Variants in CACNA1D observed in about 807,000 individuals in gnomAD.
CACNA1D encodes voltage-dependent L-type calcium channel subunit alpha-1D.
A neutral mutation model predicts 257.1 loss-of-function variants in CACNA1D; 55 were observed. The ratio of observed to expected loss-of-function variants is 0.21; its 90% CI spans 0.17 to 0.27. The LOEUF (loss-of-function observed/expected upper bound fraction) is 0.27. CACNA1D is among the 10% of genes least tolerant of loss of function. The pLI is 1.00. For missense variants in CACNA1D, 1,876 were observed against 2,784.0 expected, an observed-to-expected ratio of 0.67 and a Z score of 7.34; for synonymous variants, 980 against 1,014.9, an observed-to-expected ratio of 0.97 and a Z score of 0.65.
intron 8 of CACNA1D, chr3:53,678,848 G>T (rs2094400843): frequency 6.6e-6 from 1 of 152,108 alleles, no homozygotes. Context: ...TCTTCTACTT[G>T]AATGGTGGCT....
chr3:53,617,308 G>C (rs1357280885), intron 3 of CACNA1D, among the ~76,000 whole-genome samples: 1 of 152,080 alleles, frequency 6.6e-6, no homozygotes, highest in Non-Finnish European at 1.5e-5. Context: ...GGTGGAGGTA[G>C]TGAGGGGAGG....
intron 3 of CACNA1D, among the ~76,000 whole-genome samples, chr3:53,593,651 A>G (rs994096340): frequency 2.0e-5 from 3 of 152,198 alleles, no homozygotes; most frequent in African/African-American, 7.2e-5. Context: ...GAGCAGGTGC[A>G]GGAGAGGTGA....
intron 3 of CACNA1D, among the ~76,000 whole-genome samples, chr3:53,587,020 T>A (rs2093229730): frequency 6.6e-6 from 1 of 152,210 alleles, no homozygotes; most frequent in African/African-American, 2.4e-5. Context: ...CAGGGCGTGA[T>A]GTGTTCCTGG....
At chr3:53,599,014 CTTT>C (rs5848999) in intron 3 of CACNA1D, among the ~76,000 whole-genome samples, 2 of 148,482 alleles carry the variant, frequency 1.3e-5, no homozygotes, top group African/African-American at 2.5e-5. Flanking sequence ...ATTGGTGTGC[CTTT>C]TTTTTTTTTA....
intron 3 of CACNA1D, among the ~76,000 whole-genome samples, chr3:53,510,771 C>G (rs1023942880): frequency 6.6e-6 from 1 of 152,124 alleles, no homozygotes; most frequent in African/African-American, 2.4e-5. Context: ...GGGGTTGGGT[C>G]TGGCCTCTCT....
chr3:53,756,313 G>A (rs1219151657), intron 29 of CACNA1D, among the ~76,000 whole-genome samples: 1 of 152,190 alleles, frequency 6.6e-6, no homozygotes, highest in African/African-American at 2.4e-5. Context: ...AATGGCCCAA[G>A]GTCATGGGAG....
chr3:53,539,203 G>A (rs530028692), intron 3 of CACNA1D, among the ~76,000 whole-genome samples: 3 of 151,936 alleles, frequency 2.0e-5, no homozygotes, highest in South Asian at 2.1e-4. Context: ...TCCGCCTCCC[G>A]GGTTCAAGCA....
At chr3:53,742,984 G>A in intron 21 of CACNA1D, 27 bp from the exon 22 acceptor site, 1 of 1,461,042 alleles carries the variant, frequency 6.8e-7, no homozygotes, top group East Asian at 2.3e-5. Context: ...ACAAAAAATG[G>A]TAAATCATCC....
intron 3 of CACNA1D, among the ~76,000 whole-genome samples, chr3:53,640,570 G>A (rs2093938695): frequency 6.6e-6 from 1 of 152,322 alleles, no homozygotes; most frequent in African/African-American, 2.4e-5. Context: ...TATGGTTTTT[G>A]TCCTCAAGGC....
At chr3:53,538,011 T>C (rs2092164046) in intron 3 of CACNA1D, among the ~76,000 whole-genome samples, 2 of 152,256 alleles carry the variant, frequency 1.3e-5, no homozygotes, top group South Asian at 2.1e-4. Context: ...TTAGTACTCA[T>C]TGATGTTTAA....
chr3:53,696,311 T>G (rs1490468659), intron 8 of CACNA1D, among the ~76,000 whole-genome samples: 1 of 152,220 alleles, frequency 6.6e-6, no homozygotes, highest in Non-Finnish European at 1.5e-5. Flanking sequence ...GTCTACCTTC[T>G]CCTTCCTCTG....
At chr3:53,563,089 G>A (rs979102650) in intron 3 of CACNA1D, among the ~76,000 whole-genome samples, 13 of 152,188 alleles carry the variant, frequency 8.5e-5, no homozygotes, top group Non-Finnish European at 1.8e-4. Flanking sequence ...TATGCATAAA[G>A]TATTTAAAGT....
chr3:53,650,120 CTGTCACAAG>C (rs1466038865), intron 3 of CACNA1D, among the ~76,000 whole-genome samples: 1 of 152,222 alleles, frequency 6.6e-6, no homozygotes, highest in Non-Finnish European at 1.5e-5. Flanking sequence ...GCATGATGAC[CTGTCACAAG>C]TTCAGCCGGG....
At chr3:53,535,315 A>G (rs1278924826) in intron 3 of CACNA1D, among the ~76,000 whole-genome samples, 6 of 152,154 alleles carry the variant, frequency 3.9e-5, no homozygotes, top group Non-Finnish European at 2.9e-5. Context: ...CCCCCTCCCC[A>G]AAGGGATGTA....
intron 3 of CACNA1D, among the ~76,000 whole-genome samples, chr3:53,641,391 T>C (rs994413104): frequency 6.6e-6 from 1 of 152,106 alleles, no homozygotes; most frequent in Non-Finnish European, 1.5e-5. Flanking sequence ...CCTGAAATGT[T>C]TATATATTAT....
At chr3:53,672,994 C>G (rs774781001) in intron 7 of CACNA1D, 29 bp from the exon 8 acceptor site, 1 of 1,442,992 alleles carries the variant, frequency 6.9e-7, no homozygotes, top group African/African-American at 1.4e-5. Context: ...TATTAACCCA[C>G]TCCTATGAGA....
intron 30 of CACNA1D, among the ~76,000 whole-genome samples, chr3:53,769,357 G>A (rs537795136): frequency 2.0e-5 from 3 of 152,354 alleles, no homozygotes; most frequent in Admixed American, 6.5e-5. Context: ...TGTGAAAGCT[G>A]TCTGAGCTGT....
chr3:53,702,840 G>A, intron 9 of CACNA1D, 30 bp downstream of exon 9: 1 of 1,613,326 alleles, frequency 6.2e-7, no homozygotes, highest in Non-Finnish European at 8.5e-7. Context: ...CCCCTGGCTA[G>A]ACAGACCCAG....
At chr3:53,545,780 G>A (rs1043688382) in intron 3 of CACNA1D, among the ~76,000 whole-genome samples, 5 of 152,294 alleles carry the variant, frequency 3.3e-5, no homozygotes, top group Admixed American at 6.5e-5. Context: ...CAGGGCACAG[G>A]ATAAAACAGA....
Sources: gnomAD v4.1 joint callset for allele counts (sites outside exome capture counted in the v4.1 genomes callset) on GRCh38, gnomAD v4.1.1 for gene constraint, MANE v1.5 for transcripts, NCBI Gene and HGNC (gene_info 2026-07-23, HGNC 2026-07-21) for gene names.